The following KHDRBS2 variants were observed in gnomAD, a reference collection of about 807,000 sequenced individuals.
KHDRBS2 encodes the protein KH RNA binding domain containing, signal transduction associated 2, also known as KH domain-containing, RNA-binding, signal transduction-associated protein 2.
In KHDRBS2, 26 loss-of-function variants were observed where a neutral mutation model predicts 44.3. That is an observed-to-expected ratio of 0.59 (90% CI 0.43 to 0.81). The LOEUF is 0.81. Among genes scored for constraint, KHDRBS2 ranks in the 40% least tolerant of loss-of-function variants. The pLI is 0.00. For missense variants in KHDRBS2, 476 were observed against 433.1 expected, an observed-to-expected ratio of 1.10 and a Z score of -0.88; for synonymous variants, 194 against 151.1, an observed-to-expected ratio of 1.28 and a Z score of -2.08.
the KHDRBS2 span, among the ~76,000 whole-genome samples, chr6:61,669,073 G>C: frequency 6.6e-6 from 1 of 150,816 alleles, no homozygotes; most frequent in Non-Finnish European, 1.5e-5. Flanking sequence ...GATACACATA[G>C]CTTCCATTTA....
intron 1 of KHDRBS2, among the ~76,000 whole-genome samples, chr6:62,246,210 A>G (rs1835549468): frequency 6.7e-6 from 1 of 150,274 alleles, no homozygotes; most frequent in Middle Eastern, 3.5e-3. Context: ...AAAGAAGAGG[A>G]ATGTATATTA....
intron 1 of KHDRBS2, among the ~76,000 whole-genome samples, chr6:62,277,756 A>G (rs1360879381): frequency 6.6e-6 from 1 of 152,220 alleles, no homozygotes; most frequent in African/African-American, 2.4e-5. Context: ...AATATAAGGT[A>G]AATAGCCTAA....
chr6:62,035,073 C>T (rs1446861783), intron 3 of KHDRBS2, among the ~76,000 whole-genome samples: 1 of 151,956 alleles, frequency 6.6e-6, no homozygotes, highest in Non-Finnish European at 1.5e-5. Context: ...TTATGTATAA[C>T]AGTTTGGAGG....
intron 2 of KHDRBS2, among the ~76,000 whole-genome samples, chr6:62,139,203 A>AT (rs1812222008): frequency 6.6e-6 from 1 of 152,086 alleles, no homozygotes; most frequent in Non-Finnish European, 1.5e-5. Context: ...ACAAGAGAAT[A>AT]AATATATATA....
chr6:61,743,796 C>T (rs1235332687), intron 6 of KHDRBS2, among the ~76,000 whole-genome samples: 2 of 126,470 alleles, frequency 1.6e-5, no homozygotes, highest in African/African-American at 6.5e-5. Context: ...CACCCCACAA[C>T]AGTCCCCGGT....
At chr6:61,979,551 G>A (rs1313770113) in intron 3 of KHDRBS2, among the ~76,000 whole-genome samples, 2 of 152,080 alleles carry the variant, frequency 1.3e-5, no homozygotes, top group African/African-American at 4.8e-5. Flanking sequence ...CCATGAAAGA[G>A]ATGGGAAGGC....
intron 6 of KHDRBS2, among the ~76,000 whole-genome samples, chr6:61,812,032 T>C (rs1788206205): frequency 6.6e-6 from 1 of 152,132 alleles, no homozygotes; most frequent in South Asian, 2.1e-4. Flanking sequence ...TATCTTTATC[T>C]TATAGCATAT....
chr6:62,067,742 C>A (rs1794079198), intron 2 of KHDRBS2, among the ~76,000 whole-genome samples: 1 of 151,404 alleles, frequency 6.6e-6, no homozygotes. Context: ...ACCCATTGGA[C>A]CCCTACACTT....
chr6:61,963,258 T>C (rs1325429198), intron 4 of KHDRBS2, among the ~76,000 whole-genome samples: 1 of 152,108 alleles, frequency 6.6e-6, no homozygotes, highest in East Asian at 1.9e-4. Flanking sequence ...GAATATGATA[T>C]GAAAACATGA....
At chr6:62,036,089 T>C (rs927864043) in intron 3 of KHDRBS2, among the ~76,000 whole-genome samples, 5 of 151,972 alleles carry the variant, frequency 3.3e-5, no homozygotes, top group African/African-American at 1.2e-4. Context: ...AGGGTGGGGC[T>C]AGAGTTGCAG....
intron 1 of KHDRBS2, among the ~76,000 whole-genome samples, chr6:62,270,133 TG>T: frequency 6.6e-6 from 1 of 152,216 alleles, no homozygotes; most frequent in African/African-American, 2.4e-5. Flanking sequence ...TCCACAGTGT[TG>T]GAGTTGGAGC....
At chr6:62,230,240 A>G (rs1458048434) in intron 1 of KHDRBS2, among the ~76,000 whole-genome samples, 1 of 152,334 alleles carries the variant, frequency 6.6e-6, no homozygotes. Flanking sequence ...GTTACAAAAT[A>G]GTTTCAGGTT....
At chr6:62,045,904 C>T (rs1787561212) in intron 3 of KHDRBS2, among the ~76,000 whole-genome samples, 1 of 143,622 alleles carries the variant, frequency 7.0e-6, no homozygotes, top group Admixed American at 7.2e-5. Flanking sequence ...GTGTCCAATA[C>T]TTGAGAAAGT....
chr6:61,776,562 G>T (rs1211901661), intron 6 of KHDRBS2, among the ~76,000 whole-genome samples: 1 of 152,216 alleles, frequency 6.6e-6, no homozygotes, highest in Non-Finnish European at 1.5e-5. Context: ...GGTCATCAGA[G>T]AAATGCAAAT....
intron 2 of KHDRBS2, among the ~76,000 whole-genome samples, chr6:62,127,855 T>C (rs2150087483): frequency 6.6e-6 from 1 of 152,304 alleles, no homozygotes; most frequent in African/African-American, 2.4e-5. Context: ...CAGTGATTGA[T>C]CAATTCGTTG....
At chr6:61,813,256 G>T (rs1049971428) in intron 6 of KHDRBS2, among the ~76,000 whole-genome samples, 2 of 152,104 alleles carry the variant, frequency 1.3e-5, no homozygotes, top group African/African-American at 4.8e-5. Flanking sequence ...AGTTAATGAG[G>T]CATAGACTAC....
At chr6:61,966,616 C>G (rs1770003805) in intron 4 of KHDRBS2, among the ~76,000 whole-genome samples, 1 of 151,966 alleles carries the variant, frequency 6.6e-6, no homozygotes, top group Non-Finnish European at 1.5e-5. Flanking sequence ...TCTTAAGAAG[C>G]CAAAATCCAG....
chr6:62,066,586 A>G (rs1471432899), intron 2 of KHDRBS2, among the ~76,000 whole-genome samples: 2 of 151,694 alleles, frequency 1.3e-5, no homozygotes, highest in East Asian at 3.9e-4. Context: ...TGTGCAAATT[A>G]GAGATGTTTG....
Position 61,945,148 on chromosome 6 carries a change from T to TACAC in KHDRBS2, c.483+32917_483+32918insGTGT, listed in dbSNP as rs1227455840. ...ATATATATATATATATATATATATA[T>TACAC]ATACACACAGACTTGTCTTGATAAA... On this transcript the variant is annotated intron_variant, in intron 4 of 8. Coordinates refer to ENST00000281156, the MANE Select transcript of KHDRBS2 (RefSeq NM_152688.4). Among the ~76,000 whole-genome samples the TACAC allele has an allele frequency of 1.3e-3, 93 of 71,414 alleles. 6 individuals are homozygous for TACAC. The highest frequency in any genetic ancestry group is 2.7e-3 in the African/African-American group (55 of 20,444). The allele number at this position is 71,414 out of a possible 152,430, so 46.9% of individuals were successfully genotyped here. A position where few individuals can be genotyped will look rare whatever the true frequency, so the allele number is the denominator to read the frequency against.
Sources: allele counts gnomAD v4.1 joint callset (sites outside exome capture counted in the v4.1 genomes callset), GRCh38; gene constraint gnomAD v4.1.1; transcripts MANE v1.5; gene names NCBI Gene and HGNC (gene_info 2026-07-23, HGNC 2026-07-21).